The following DNAJC18 variants were observed in gnomAD, a reference collection of about 807,000 sequenced individuals.
The protein encoded by DNAJC18 is DnaJ heat shock protein family (Hsp40) member C18.
In DNAJC18, 40 loss-of-function variants were observed where a neutral mutation model predicts 48.6. The observed-to-expected ratio is 0.82, with a 90% CI of 0.64 to 1.07. The LOEUF is 1.07. DNAJC18 is among the 50% of genes least tolerant of loss of function. DNAJC18 has a pLI of 0.00. For missense variants in DNAJC18, 340 were observed against 427.7 expected, an observed-to-expected ratio of 0.79 and a Z score of 1.81; for synonymous variants, 135 against 152.2, an observed-to-expected ratio of 0.89 and a Z score of 0.83.
intron 2 of DNAJC18, among the ~76,000 whole-genome samples, chr5:139,434,793 A>G (rs1019507733): frequency 1.8e-4 from 28 of 152,142 alleles, no homozygotes; most frequent in African/African-American, 6.5e-4. Context: ...TTCCATTTAC[A>G]AGATCATGTC....
intron 5 of DNAJC18, 83 bp downstream of exon 5, chr5:139,424,922 A>G (rs984043255): frequency 3.0e-5 from 35 of 1,150,284 alleles, no homozygotes; most frequent in Non-Finnish European, 4.4e-5. Context: ...CTCAGGTTCA[A>G]CTTCTAAAAC....
At chr5:139,426,421 C>T in intron 3 of DNAJC18, 64 bp from the exon 4 acceptor site, 2 of 1,571,554 alleles carry the variant, frequency 1.3e-6, no homozygotes, top group Non-Finnish European at 1.7e-6. Context: ...GTGATCACAG[C>T]AGCAGTGACA....
At position 139,439,265 on chromosome 5, in the gene DNAJC18, CT is replaced by C; in HGVS notation, c.40+140del. The C allele has an allele frequency of 7.2e-7, 1 of 1,381,930 alleles. No individual in the cohort carries two copies. Among genetic ancestry groups the C allele is most frequent in the South Asian group, 1.2e-5 (1 of 80,448 alleles). 85.6% of individuals were successfully genotyped at this position (1,381,930 alleles called of 1,614,324 possible). On this transcript the variant is annotated intron_variant, in intron 1 of 7. Coordinates refer to ENST00000302060, the MANE Select transcript of DNAJC18 (RefSeq NM_152686.4). This position sits in a 1 kb window ranked among gnomAD's most constrained non-coding sequence, Gnocchi z 4.1. ...CAGCTTCCCTACCCCATCCGCAACC[CT>C]ACTCAGGCTCAGCATCTTTTCACAG...
At chr5:139,423,660 G>A (rs556335482) in intron 5 of DNAJC18, among the ~76,000 whole-genome samples, 1 of 151,408 alleles carries the variant, frequency 6.6e-6, no homozygotes, top group South Asian at 2.1e-4. Flanking sequence ...AAAGTGTTAG[G>A]ATTACAGGTG....
At chr5:139,426,895 A>T (rs149729262) in intron 3 of DNAJC18, among the ~76,000 whole-genome samples, 25 of 152,092 alleles carry the variant, frequency 1.6e-4, no homozygotes, top group South Asian at 4.1e-4. Context: ...TTTAAAAAAA[A>T]TTTTTTTAGA....
chr5:139,420,303 C>G (rs1759133264), intron 6 of DNAJC18, 78 bp from the exon 7 acceptor site: 1 of 1,269,314 alleles, frequency 7.9e-7, no homozygotes, highest in South Asian at 1.5e-5. Context: ...TCACAGATAT[C>G]ATCATCATCA....
intron 5 of DNAJC18, among the ~76,000 whole-genome samples, chr5:139,423,481 C>T (rs1218835450): frequency 2.0e-5 from 3 of 151,490 alleles, no homozygotes; most frequent in Non-Finnish European, 4.4e-5. Context: ...CCTTGACCTC[C>T]TGGGTTCTGA....
chr5:139,429,208 C>T (rs1297497881), intron 2 of DNAJC18, among the ~76,000 whole-genome samples: 4 of 151,616 alleles, frequency 2.6e-5, no homozygotes, highest in East Asian at 3.9e-4. Flanking sequence ...CTCAGCCTCC[C>T]GAGTAGCTGA....
intron 3 of DNAJC18, among the ~76,000 whole-genome samples, chr5:139,426,608 C>T (rs1301611134): frequency 6.6e-6 from 1 of 152,168 alleles, no homozygotes; most frequent in Non-Finnish European, 1.5e-5. Flanking sequence ...TCCCAATCAA[C>T]AGTCCTGTAG....
At chr5:139,431,181 A>G (rs910538791) in intron 2 of DNAJC18, among the ~76,000 whole-genome samples, 6 of 152,112 alleles carry the variant, frequency 3.9e-5, no homozygotes, top group African/African-American at 1.4e-4. Context: ...TCCTAAATTT[A>G]CTATTTGTTT....
At chr5:139,432,442 C>T (rs373637563) in intron 2 of DNAJC18, among the ~76,000 whole-genome samples, 3 of 152,064 alleles carry the variant, frequency 2.0e-5, no homozygotes, top group Non-Finnish European at 2.9e-5. Flanking sequence ...GGATTACAGG[C>T]GTGAGCCACC....
chr5:139,437,744 G>A lies in DNAJC18; in HGVS notation c.41-186C>T, dbSNP rs111699829. On this transcript the variant is annotated intron_variant, in intron 1 of 7. Coordinates refer to ENST00000302060, the MANE Select transcript of DNAJC18 (RefSeq NM_152686.4). ...GAATAAACATGTTTCTCTGTGGTCCGTGGTCAGAAGAGACACTGCTCGTAA... is the reference window on the plus strand; with the variant it reads ...GAATAAACATGTTTCTCTGTGGTCCATGGTCAGAAGAGACACTGCTCGTAA... Among the ~76,000 whole-genome samples, 15 of 152,284 alleles carry A rather than the reference G, an allele frequency of 9.9e-5. 1 individual carries two copies. Among genetic ancestry groups the A allele is most frequent in the African/African-American group, 3.4e-4 (14 of 41,546 alleles).
chr5:139,434,796 A>G (rs1250867663), intron 2 of DNAJC18, among the ~76,000 whole-genome samples: 1 of 151,924 alleles, frequency 6.6e-6, no homozygotes, highest in East Asian at 1.9e-4. Context: ...CATTTACAAG[A>G]TCATGTCATC....
At chr5:139,424,906 A>T in intron 5 of DNAJC18, 99 bp downstream of exon 5, 1 of 1,020,010 alleles carries the variant, frequency 9.8e-7, no homozygotes, top group Non-Finnish European at 1.5e-6. Context: ...TCCTAAAGCA[A>T]CATATCTCAG....
Position 139,439,428 on chromosome 5 carries a change from G to A in DNAJC18, c.18C>T (p.Gly6=). 1 of 1,613,810 alleles carries A rather than the reference G, an allele frequency of 6.2e-7. No homozygotes were observed. The highest frequency in any genetic ancestry group is 8.5e-7 in the Non-Finnish European group (1 of 1,180,014). MAATL[G]SGERWTEAYI... ...TACCTTCCGTCCAGCGCTCCCCGCT[G>A]CCCAGAGTCGCCGCCATATCGGTTC... Residue 6 remains glycine (G), a synonymous_variant, in exon 1 of 8, where the codon GGC becomes GGT. Coordinates refer to ENST00000302060, the MANE Select transcript of DNAJC18 (RefSeq NM_152686.4). This position sits in a 1 kb window ranked among gnomAD's most constrained non-coding sequence, Gnocchi z 4.1.
At chr5:139,431,387 C>A (rs1418071076) in intron 2 of DNAJC18, among the ~76,000 whole-genome samples, 1 of 152,154 alleles carries the variant, frequency 6.6e-6, no homozygotes, top group African/African-American at 2.4e-5. Flanking sequence ...GCCCCTGGGA[C>A]CCACTAATCT....
Position 139,425,361 on chromosome 5 carries a change from A to G in DNAJC18, c.560-247T>C, listed in dbSNP as rs545544658. Among the ~76,000 whole-genome samples the G allele has an allele frequency of 2.0e-5, 3 of 152,218 alleles. No homozygotes were observed. In the East Asian group the frequency reaches 5.8e-4, roughly 29 times the overall value. ...GTATTTTTAGTAGAGATGGGGTTTCACCATGTTGGCCAGGCTGGTCTCGAA... is the reference window on the plus strand; with the variant it reads ...GTATTTTTAGTAGAGATGGGGTTTCGCCATGTTGGCCAGGCTGGTCTCGAA... On this transcript the variant is annotated intron_variant, in intron 4 of 7. Coordinates refer to ENST00000302060, the MANE Select transcript of DNAJC18 (RefSeq NM_152686.4).
chr5:139,432,735 C>T (rs1005174507), intron 2 of DNAJC18, among the ~76,000 whole-genome samples: 1 of 152,232 alleles, frequency 6.6e-6, no homozygotes, highest in Non-Finnish European at 1.5e-5. Context: ...GCTCTCAGTG[C>T]CCAGGCCTTC....
chr5:139,430,049 G>T (rs1399976841), intron 2 of DNAJC18, among the ~76,000 whole-genome samples: 2 of 152,122 alleles, frequency 1.3e-5, no homozygotes, highest in African/African-American at 4.8e-5. Flanking sequence ...CTGAACTTTT[G>T]ATCTCAGCAA....
Sources: allele counts gnomAD v4.1 joint callset (sites outside exome capture counted in the v4.1 genomes callset), GRCh38; gene constraint gnomAD v4.1.1; non-coding constraint Gnocchi (gnomAD v3.1); transcripts MANE v1.5; gene names NCBI Gene and HGNC (gene_info 2026-07-23, HGNC 2026-07-21).